Variants in TMX2 observed in about 807,000 individuals in gnomAD.
TMX2 encodes the protein thioredoxin-related transmembrane protein 2.
TMX2 carries 20 observed loss-of-function variants against 33.4 expected under a neutral mutation model. The ratio of observed to expected loss-of-function variants is 0.60; its 90% CI spans 0.42 to 0.87. TMX2 has a LOEUF of 0.87. TMX2 is among the 40% of genes least tolerant of loss of function. The probability of loss-of-function intolerance (pLI) is 0.00; values close to 1 mark genes in which losing one functional copy is unlikely to be tolerated. For synonymous variants in TMX2, 166 were observed against 140.7 expected, an observed-to-expected ratio of 1.18 and a Z score of -1.27; for missense variants, 340 against 370.7, an observed-to-expected ratio of 0.92 and a Z score of 0.68.
At chr11:57,714,373 G>C (rs1946838343) in intron 1 of TMX2, among the ~76,000 whole-genome samples, 1 of 152,128 alleles carries the variant, frequency 6.6e-6, no homozygotes, top group African/African-American at 2.4e-5. Flanking sequence ...CATTTCTATG[G>C]AACAAGACAA....
At chr11:57,716,876 G>T (rs571524422) in intron 1 of TMX2, among the ~76,000 whole-genome samples, 1 of 151,264 alleles carries the variant, frequency 6.6e-6, no homozygotes, top group South Asian at 2.1e-4. Flanking sequence ...CGGGGCGGCT[G>T]CCGGGCGGAG....
At chr11:57,733,313 T>C (rs930826312) in intron 1 of TMX2, among the ~76,000 whole-genome samples, 4 of 135,152 alleles carry the variant, frequency 3.0e-5, no homozygotes, top group African/African-American at 8.5e-5. Flanking sequence ...TGGAGTGCAA[T>C]AGCGCTTTCT....
intron 1 of TMX2, among the ~76,000 whole-genome samples, chr11:57,730,462 C>T (rs1011462269): frequency 5.9e-5 from 7 of 119,210 alleles, no homozygotes; most frequent in African/African-American, 2.2e-4. Context: ...AAAGGCCAGG[C>T]ATGGTGGCTC....
At chr11:57,717,878 T>C (rs1262205925) in intron 1 of TMX2, among the ~76,000 whole-genome samples, 2 of 152,092 alleles carry the variant, frequency 1.3e-5, no homozygotes, top group Non-Finnish European at 2.9e-5. Context: ...GCAATCCAGC[T>C]AGGCATGTAA....
At chr11:57,721,544 A>G (rs1227731070) in intron 1 of TMX2, among the ~76,000 whole-genome samples, 1 of 151,742 alleles carries the variant, frequency 6.6e-6, no homozygotes, top group African/African-American at 2.4e-5. Context: ...TCAAGCTCCC[A>G]ATCTCAGGTG....
chr11:57,718,593 G>T, intron 1 of TMX2: 9 of 494,794 alleles, frequency 1.8e-5, no homozygotes, highest in Admixed American at 3.0e-5. Context: ...TTTTATATCT[G>T]TTTAGTTTTA....
chr11:57,739,734 G>A (rs932482489), intron 7 of TMX2, among the ~76,000 whole-genome samples: 10 of 151,692 alleles, frequency 6.6e-5, no homozygotes, highest in Non-Finnish European at 1.0e-4. Flanking sequence ...TCCAGCCTGG[G>A]CAACAAGAGA....
chr11:57,727,692 A>G (rs1215898089), intron 1 of TMX2, among the ~76,000 whole-genome samples: 1 of 152,162 alleles, frequency 6.6e-6, no homozygotes, highest in African/African-American at 2.4e-5. Context: ...AAAAATCCAC[A>G]TTCTGTAGAG....
intron 1 of TMX2, among the ~76,000 whole-genome samples, chr11:57,724,577 C>G (rs998098584): frequency 1.3e-5 from 2 of 151,162 alleles, no homozygotes; most frequent in African/African-American, 4.9e-5. Context: ...AACGCAAACC[C>G]TTTGTACCAG....
At chr11:57,738,230 T>C in intron 3 of TMX2, 124 bp from the exon 4 acceptor site, 1 of 791,576 alleles carries the variant, frequency 1.3e-6, no homozygotes, top group Non-Finnish European at 2.1e-6. Context: ...GGGAATGTGT[T>C]GGTGGTCTAC....
intron 1 of TMX2, among the ~76,000 whole-genome samples, chr11:57,718,952 G>A (rs1387183069): frequency 6.7e-6 from 1 of 150,372 alleles, no homozygotes; most frequent in East Asian, 2.0e-4. Flanking sequence ...ACCGCGCCCA[G>A]CCACAAAGGA....
rs1215138369 is a variant in TMX2, at chr11:57,740,165, G to A, written c.811G>A (p.Gly271Arg). ...GCGGGCCAAGAAACTATCAAAGGCT[G>A]GAGACAATATCCCTGAGGAGCAGCC... ...YQRAKKLSKAGDNIPEEQPVA... is the reference protein window; with the variant it reads ...YQRAKKLSKARDNIPEEQPVA... Residue 271 changes from glycine (G) to arginine (R), a missense_variant, in exon 8 of 8, where the codon GGA (glycine) becomes AGA (arginine). By Grantham distance (125) the Gly-to-Arg change is moderately radical (BLOSUM62 -2). Transcript: ENST00000278422. 2.5e-6 allele frequency: 4 copies of A among 1,614,008 alleles called. No individual in the cohort carries two copies. The highest frequency in any genetic ancestry group is 2.2e-5 in the East Asian group (1 of 44,888).
At chr11:57,722,729 C>T (rs917434522) in intron 1 of TMX2, among the ~76,000 whole-genome samples, 19 of 151,962 alleles carry the variant, frequency 1.3e-4, no homozygotes, top group Admixed American at 4.6e-4. Context: ...ATCTTAAAGT[C>T]ATGTTTAAAC....
chr11:57,722,408 C>T (rs1947696452), intron 1 of TMX2, among the ~76,000 whole-genome samples: 1 of 152,078 alleles, frequency 6.6e-6, no homozygotes, highest in South Asian at 2.1e-4. Flanking sequence ...TTGAAAAGGC[C>T]TTGAAAGATG....
chr11:57,737,833 A>G (rs1377755071), intron 2 of TMX2, 80 bp from the exon 3 acceptor site: 1 of 1,613,618 alleles, frequency 6.2e-7, no homozygotes, highest in Non-Finnish European at 8.5e-7. Flanking sequence ...TCCTATTTCA[A>G]AGTGCCCCAT....
chr11:57,730,026 C>A (rs989965450), intron 1 of TMX2, among the ~76,000 whole-genome samples: 6 of 151,238 alleles, frequency 4.0e-5, no homozygotes, highest in Admixed American at 2.0e-4. Context: ...ATCGCTTGAA[C>A]CCGGGAGATG....
intron 1 of TMX2, among the ~76,000 whole-genome samples, chr11:57,716,419 G>C (rs1423125319): frequency 8.1e-6 from 1 of 123,920 alleles, no homozygotes; most frequent in Non-Finnish European, 1.8e-5. Context: ...CCTCCCGGAC[G>C]GGGCGGCTGG....
Position 57,737,590 on chromosome 11 carries a change from ACTT to A in TMX2, c.190-16_190-14del. The A allele has an allele frequency of 6.2e-7, 1 of 1,611,386 alleles. No individual in the cohort carries two copies. Among genetic ancestry groups the A allele is most frequent in the Non-Finnish European group, 8.5e-7 (1 of 1,177,532 alleles). ...CTAGTCACTGCATTCCTGTTATAAT[ACTT>A]CGATTCTGTTCCAGAGAGAAGTGGA... On this transcript the variant is annotated splice_polypyrimidine_tract_variant and intron_variant, in intron 1 of 7. Transcript: ENST00000278422.
intron 1 of TMX2, among the ~76,000 whole-genome samples, chr11:57,735,894 C>A (rs1014261644): frequency 6.6e-6 from 1 of 152,186 alleles, no homozygotes; most frequent in Non-Finnish European, 1.5e-5. Flanking sequence ...GGTCTCTTAT[C>A]AGGAAGCAAT....
Sources: gnomAD v4.1 joint callset for allele counts (sites outside exome capture counted in the v4.1 genomes callset) on GRCh38, gnomAD v4.1.1 for gene constraint, MANE v1.5 for transcripts, NCBI Gene and HGNC (gene_info 2026-07-23, HGNC 2026-07-21) for gene names.